The following NTM variants were observed in gnomAD, a reference collection of about 807,000 sequenced individuals.
The protein encoded by NTM is IgLON family member 2.
A neutral mutation model predicts 42.1 loss-of-function variants in NTM; 13 were observed. That is an observed-to-expected ratio of 0.31 (90% CI 0.20 to 0.49). NTM has a LOEUF of 0.49. NTM is among the 20% of genes least tolerant of loss of function. The probability of loss-of-function intolerance (pLI) is 0.99; values close to 1 mark genes in which losing one functional copy is unlikely to be tolerated. For synonymous variants in NTM, 187 were observed against 179.2 expected, an observed-to-expected ratio of 1.04 and a Z score of -0.35; for missense variants, 373 against 452.8, an observed-to-expected ratio of 0.82 and a Z score of 1.60.
intron 2 of NTM, among the ~76,000 whole-genome samples, chr11:131,928,921 C>T (rs932299172): frequency 6.6e-6 from 1 of 152,360 alleles, no homozygotes; most frequent in South Asian, 2.1e-4. Flanking sequence ...CATTCTCACC[C>T]TTTCCTTCAT....
intron 2 of NTM, among the ~76,000 whole-genome samples, chr11:132,079,224 G>A (rs2136255768): frequency 6.6e-6 from 1 of 152,224 alleles, no homozygotes; most frequent in Non-Finnish European, 1.5e-5. Context: ...ACTCATGGAG[G>A]CCACCTATAT....
At chr11:131,604,884 T>G (rs933330696) in intron 1 of NTM, among the ~76,000 whole-genome samples, 1 of 123,070 alleles carries the variant, frequency 8.1e-6, no homozygotes, top group Non-Finnish European at 1.9e-5. Context: ...TGTGAGGGTT[T>G]TTTTTTCTGG....
intron 2 of NTM, among the ~76,000 whole-genome samples, chr11:131,960,707 G>C (rs765951034): frequency 6.6e-6 from 1 of 152,154 alleles, no homozygotes; most frequent in Non-Finnish European, 1.5e-5. Context: ...TTATGGAGTG[G>C]TTCTATGACA....
At chr11:131,729,007 T>C (rs543679087) in intron 1 of NTM, among the ~76,000 whole-genome samples, 1 of 152,306 alleles carries the variant, frequency 6.6e-6, no homozygotes, top group African/African-American at 2.4e-5. Flanking sequence ...TAATGCATCA[T>C]AGGGTTGAGA....
intron 2 of NTM, among the ~76,000 whole-genome samples, chr11:131,956,194 G>A (rs1010174060): frequency 9.9e-5 from 15 of 152,166 alleles, no homozygotes; most frequent in Non-Finnish European, 1.0e-4. Flanking sequence ...GGAATGCCAC[G>A]TGCTGATTTC....
chr11:131,702,557 G>A (rs957067508), intron 1 of NTM, among the ~76,000 whole-genome samples: 4 of 152,188 alleles, frequency 2.6e-5, no homozygotes, highest in African/African-American at 9.7e-5. Context: ...CCAGAGCATG[G>A]AGAGGTGCAT....
chr11:131,401,826 A>ATATATGTG (rs1565465486), intron 1 of NTM, among the ~76,000 whole-genome samples: 6 of 60,562 alleles, frequency 9.9e-5, no homozygotes, highest in South Asian at 6.5e-4. Flanking sequence ...ATATATATAT[A>ATATATGTG]TATATATATA....
intron 1 of NTM, among the ~76,000 whole-genome samples, chr11:131,805,462 G>T (rs1401620052): frequency 6.6e-6 from 1 of 152,130 alleles, no homozygotes; most frequent in Non-Finnish European, 1.5e-5. Context: ...TCCCAAACAT[G>T]AAAATCGTAT....
intron 3 of NTM, among the ~76,000 whole-genome samples, chr11:132,188,861 T>C (rs1283149923): frequency 6.6e-6 from 1 of 152,216 alleles, no homozygotes; most frequent in East Asian, 1.9e-4. Flanking sequence ...CCACTGACCC[T>C]GGTTCTCTGA....
At chr11:131,517,763 A>G (rs2049084401) in intron 1 of NTM, among the ~76,000 whole-genome samples, 1 of 152,014 alleles carries the variant, frequency 6.6e-6, no homozygotes, top group Non-Finnish European at 1.5e-5. Flanking sequence ...CAGATGTTGG[A>G]TCTAACTAGT....
At chr11:131,462,231 G>A (rs12278021) in intron 1 of NTM, among the ~76,000 whole-genome samples, 20,909 of 152,156 alleles carry the variant, frequency 0.14, 1,550 homozygotes, top group Non-Finnish European at 0.16. Flanking sequence ...AAAACAGATC[G>A]GGTCTGGGGT....
intron 1 of NTM, among the ~76,000 whole-genome samples, chr11:131,394,720 A>G (rs909510899): frequency 2.0e-5 from 3 of 152,160 alleles, no homozygotes; most frequent in Non-Finnish European, 4.4e-5. Context: ...CTGAACATCC[A>G]TCTACTGAGA....
At chr11:132,108,709 TTTA>T (rs1159822343) in intron 2 of NTM, among the ~76,000 whole-genome samples, 1 of 152,110 alleles carries the variant, frequency 6.6e-6, no homozygotes, top group Non-Finnish European at 1.5e-5. Flanking sequence ...TTCAAATATT[TTTA>T]TTATTATTAT....
At chr11:131,917,840 G>A (rs542325131) in intron 2 of NTM, among the ~76,000 whole-genome samples, 1 of 152,214 alleles carries the variant, frequency 6.6e-6, no homozygotes, top group African/African-American at 2.4e-5. Context: ...GGACCAAGGA[G>A]GGAGGCTCCT....
At chr11:132,077,666 C>G (rs1296095220) in intron 2 of NTM, among the ~76,000 whole-genome samples, 1 of 152,216 alleles carries the variant, frequency 6.6e-6, no homozygotes, top group Non-Finnish European at 1.5e-5. Flanking sequence ...TGATCCATAG[C>G]CAATGGTGTG....
At chr11:131,989,295 AAC>A (rs1336284085) in intron 2 of NTM, among the ~76,000 whole-genome samples, 7 of 152,186 alleles carry the variant, frequency 4.6e-5, no homozygotes, top group African/African-American at 4.8e-5. Context: ...TAATTTATAA[AAC>A]ACTTTCATAT....
At chr11:132,097,080 A>C (rs1018009042) in intron 2 of NTM, among the ~76,000 whole-genome samples, 1 of 152,222 alleles carries the variant, frequency 6.6e-6, no homozygotes. Context: ...TTTTGGACTT[A>C]ATCTCTAGGT....
At chr11:131,976,868 G>A (rs564290537) in intron 2 of NTM, among the ~76,000 whole-genome samples, 12 of 152,236 alleles carry the variant, frequency 7.9e-5, no homozygotes, top group South Asian at 2.1e-4. Context: ...CGGAGCACAG[G>A]TACATTTAAT....
chr11:131,562,528 A>G (rs1010789410), intron 1 of NTM, among the ~76,000 whole-genome samples: 10 of 152,102 alleles, frequency 6.6e-5, no homozygotes, highest in Admixed American at 5.9e-4. Flanking sequence ...CTTCCCCACC[A>G]AATTCCCAAG....
Sources: allele counts gnomAD v4.1 joint callset (sites outside exome capture counted in the v4.1 genomes callset), GRCh38; gene constraint gnomAD v4.1.1; transcripts MANE v1.5; gene names NCBI Gene and HGNC (gene_info 2026-07-23, HGNC 2026-07-21).